Variants in AKAP9 observed in about 807,000 individuals in gnomAD.
AKAP9 encodes the protein A-kinase anchoring protein 9, also known as A-kinase anchor protein 9.
A neutral mutation model predicts 488.5 loss-of-function variants in AKAP9; 311 were observed. The ratio of observed to expected loss-of-function variants is 0.64; its 90% CI spans 0.58 to 0.70. The LOEUF (loss-of-function observed/expected upper bound fraction) is 0.70. Ranked by LOEUF, AKAP9 falls within the 30% of genes least tolerant of loss-of-function variation. The pLI, the probability that AKAP9 is intolerant of heterozygous loss-of-function variation, is 0.00. For missense variants in AKAP9, 4,215 were observed against 4,374.5 expected (o/e 0.96, Z 1.03); for synonymous variants, 1,462 against 1,483.5 (o/e 0.99, Z 0.33).
intron 21 of AKAP9, among the ~76,000 whole-genome samples, chr7:92,046,686 G>C (rs1410023884): frequency 2.0e-5 from 3 of 152,152 alleles, no homozygotes; most frequent in Admixed American, 6.5e-5. Context: ...CTCAGTCACG[G>C]CTATTTTATT....
rs763191120 is a variant in AKAP9, at chr7:92,083,225, A to G, written c.8216A>G (p.His2739Arg). Residue 2739 changes from histidine (H) to arginine (R), a missense_variant, in exon 33 of 50, where the codon CAC (histidine) becomes CGC (arginine). Physicochemically the swap from His to Arg is conservative, Grantham distance 29 (BLOSUM62 0). Coordinates refer to ENST00000356239, the MANE Select transcript of AKAP9 (RefSeq NM_005751.5). ...LQKDLSQVRD[H>R]LAEAKEKLSI... is the part of the protein sequence containing the mutation. The stretch of plus-strand genomic sequence containing the variant: ...AAAGACTTAAGCCAAGTTAGGGATC[A>G]CCTCGCAGAGGCAAAAGAGAAATTG... The G allele has an allele frequency of 1.9e-6, 3 of 1,614,016 alleles. No homozygotes were observed. Among genetic ancestry groups the G allele is most frequent in the Non-Finnish European group, 2.5e-6 (3 of 1,180,024 alleles).
intron 20 of AKAP9, among the ~76,000 whole-genome samples, chr7:92,043,933 G>A (rs915739580): frequency 6.6e-6 from 1 of 152,146 alleles, no homozygotes; most frequent in Non-Finnish European, 1.5e-5. Context: ...CATGTATAAA[G>A]TGTGCCTTTG....
At chr7:92,081,306 A>AT (rs765798858) in intron 31 of AKAP9, among the ~76,000 whole-genome samples, 2,476 of 145,178 alleles carry the variant, frequency 0.017, 44 homozygotes, top group African/African-American at 0.05. Flanking sequence ...ATATTTTACA[A>AT]TTTTTTTTTT....
At chr7:92,026,487 G>A (rs572967260) in intron 14 of AKAP9, among the ~76,000 whole-genome samples, 102 of 152,136 alleles carry the variant, frequency 6.7e-4, no homozygotes, top group African/African-American at 2.2e-3. Flanking sequence ...GTCACGCGCC[G>A]CCACGCCTGA....
At chr7:92,068,597 T>G (rs1457091849) in intron 26 of AKAP9, among the ~76,000 whole-genome samples, 1 of 151,888 alleles carries the variant, frequency 6.6e-6, no homozygotes, top group Non-Finnish European at 1.5e-5. Flanking sequence ...TGTGCATGTT[T>G]GATTTTTTTT....
rs138107415 is a variant in AKAP9 at position 91,941,140 on chromosome 7, A to C, written c.41A>C (p.Lys14Thr). ...EERQKKLEAG[K>T]AKLAQFRQRK... Reference sequence around the variant, plus strand: ...AGACAGAAGAAGCTGGAGGCCGGCAAAGCCAAGGTAGGAGAGCCCGAGGCA... The same window carrying C: ...AGACAGAAGAAGCTGGAGGCCGGCACAGCCAAGGTAGGAGAGCCCGAGGCA... Residue 14 changes from lysine to threonine, a missense_variant, in exon 1 of 50, where the codon AAA becomes ACA. Around this residue, in one of 5 missense-constraint regions of AKAP9, gnomAD observed 2,361 missense variants for 2,430.0 expected, o/e 0.97. Transcript: ENST00000356239. 1.1e-4 allele frequency: 180 copies of C among 1,614,076 alleles called. 3 individuals carry two copies. In the Admixed American group the frequency reaches 2.6e-3, roughly 23 times the overall value.
At position 92,070,904 on chromosome 7, in the gene AKAP9, G is replaced by A. The variant is rs1177271037; in HGVS notation, c.6508-1G>A. 1 of 1,604,642 alleles carries A rather than the reference G, an allele frequency of 6.2e-7. No individual in the cohort carries two copies. The highest frequency in any genetic ancestry group is 8.5e-7 in the Non-Finnish European group (1 of 1,173,878). On this transcript the variant is annotated splice_acceptor_variant, in intron 27 of 49. Transcript: ENST00000356239. LOFTEE classifies it high-confidence loss of function. ...TTGAGAAAATTTTTATATATTTAAA[G>A]GTAGAGGACCGAAAACACTTTGGAG...
chr7:91,971,468 A>G (rs1194941864), intron 1 of AKAP9, among the ~76,000 whole-genome samples: 2 of 151,070 alleles, frequency 1.3e-5, no homozygotes, highest in African/African-American at 4.9e-5. Context: ...TGTTAGGGTC[A>G]TTCACTGATT....
At chr7:92,060,637 T>C (rs187231031) in intron 22 of AKAP9, among the ~76,000 whole-genome samples, 596 of 152,312 alleles carry the variant, frequency 3.9e-3, no homozygotes, top group Middle Eastern at 0.014. Context: ...ATGGTTAATG[T>C]CTCTGTATTC....
intron 22 of AKAP9, chr7:92,058,310 A>T (rs1809168205): frequency 1.7e-6 from 1 of 581,232 alleles, no homozygotes; most frequent in African/African-American, 1.8e-5. Context: ...GGATGAAAAT[A>T]ACTCAGTAAT....
In AKAP9 at chr7:92,086,309, G is replaced by A. The variant is rs746297415; in HGVS notation, c.9106G>A (p.Glu3036Lys). Residue 3036 changes from glutamate (E) to lysine (K), a missense_variant, in exon 37 of 50, where the codon GAA becomes AAA. Glu to Lys is a moderately conservative substitution (Grantham distance 56). Around this residue, in one of 5 missense-constraint regions of AKAP9, gnomAD observed 1,476 missense variants for 1,477.4 expected, o/e 1.00. Coordinates refer to ENST00000356239, the MANE Select transcript of AKAP9 (RefSeq NM_005751.5). ...GCTTGCCCTTCAACAAGTTTTCTTA[G>A]AAGAGCGTAGTGTTTTACTAGCAGC... ...LLLALQQVFL[E>K]ERSVLLAAFR... 10 of 1,614,144 alleles carry A rather than the reference G, an allele frequency of 6.2e-6. No homozygotes were observed. The highest frequency in any genetic ancestry group is 1.3e-5 in the African/African-American group (1 of 75,036).
In AKAP9 at chr7:92,052,714, C is replaced by T. The variant is rs757856586; in HGVS notation, c.5369-12C>T. ...ATAATTAATTTATGCCTTTAAAACACTGTTATTCTAGTTACAGATGAATCC... is the reference window on the plus strand; with the variant it reads ...ATAATTAATTTATGCCTTTAAAACATTGTTATTCTAGTTACAGATGAATCC... On this transcript the variant is annotated splice_polypyrimidine_tract_variant and intron_variant, in intron 21 of 49. Coordinates refer to ENST00000356239, the MANE Select transcript of AKAP9 (RefSeq NM_005751.5). 1.5e-5 allele frequency: 23 copies of T among 1,565,446 alleles called. No homozygotes were observed. The highest frequency in any genetic ancestry group is 1.9e-5 in the Non-Finnish European group (22 of 1,137,062).
Position 92,083,540 on chromosome 7 carries a change from C to T in AKAP9, c.8531C>T (p.Ser2844Phe). Reference protein sequence around the residue: ...LHAAEILDMESRHISETETLK... With the variant: ...LHAAEILDMEFRHISETETLK... ...GCTGCTGAAATTTTGGACATGGAAT[C>T]CAGACATATTTCAGAAACTGAAACC... The change falls in exon 33 of 50, where the codon TCC (serine) becomes TTC (phenylalanine). Residue 2844 changes from serine to phenylalanine, a missense_variant. Ser to Phe is a radical substitution (Grantham distance 155, BLOSUM62 -2). Coordinates refer to ENST00000356239, the MANE Select transcript of AKAP9 (RefSeq NM_005751.5). 1 of 1,602,208 alleles carries T rather than the reference C, an allele frequency of 6.2e-7. No individual in the cohort carries two copies. Among genetic ancestry groups the T allele is most frequent in the Non-Finnish European group, 8.5e-7 (1 of 1,174,952 alleles).
chr7:91,967,876 T>C (rs185168145), intron 1 of AKAP9, among the ~76,000 whole-genome samples: 1 of 152,320 alleles, frequency 6.6e-6, no homozygotes, highest in East Asian at 1.9e-4. Flanking sequence ...ATAATTGTTA[T>C]TCTTTAAATG....
intron 46 of AKAP9, among the ~76,000 whole-genome samples, chr7:92,104,190 A>ATTTTT (rs879741854): frequency 2.8e-5 from 4 of 142,576 alleles, no homozygotes; most frequent in African/African-American, 1.1e-4. Flanking sequence ...TTATTTATTT[A>ATTTTT]TTTTTTTTTT....
intron 8 of AKAP9, among the ~76,000 whole-genome samples, chr7:92,004,191 G>A (rs1485978548): frequency 6.6e-6 from 1 of 152,192 alleles, no homozygotes; most frequent in Non-Finnish European, 1.5e-5. Flanking sequence ...GTACCATGCT[G>A]TTTTGGTTAC....
intron 2 of AKAP9, among the ~76,000 whole-genome samples, chr7:91,978,219 G>A (rs1455165936): frequency 5.4e-5 from 6 of 111,348 alleles, no homozygotes; most frequent in African/African-American, 1.9e-4. Flanking sequence ...TCCAGCCTGG[G>A]CAACAGAGTG....
At chr7:92,109,983 G>T in intron 49 of AKAP9, 139 bp from the exon 50 acceptor site, 1 of 691,822 alleles carries the variant, frequency 1.4e-6, no homozygotes, top group Non-Finnish European at 2.6e-6. Flanking sequence ...GTTTAAGTAT[G>T]AAGAGGACAT....
In AKAP9 at chr7:92,093,083, C is replaced by A. The variant is rs753080441; in HGVS notation, c.9359-14C>A. On this transcript the variant is annotated splice_polypyrimidine_tract_variant and intron_variant, in intron 38 of 49. Transcript: ENST00000356239. ...GCTTGATTATGTTTCAAATATTAAT[C>A]ATGTTCTGTGTAGAACTCTTGGAAT... 15 of 1,598,872 alleles carry A rather than the reference C, an allele frequency of 9.4e-6. No homozygotes were observed. Among genetic ancestry groups the A allele is most frequent in the Admixed American group, 5.0e-5 (3 of 59,908 alleles).
Sources: gnomAD v4.1 joint callset for allele counts (sites outside exome capture counted in the v4.1 genomes callset) on GRCh38, gnomAD v4.1.1 for gene constraint, gnomAD v4.1.1 regional missense constraint, MANE v1.5 for transcripts, NCBI Gene and HGNC (gene_info 2026-07-23, HGNC 2026-07-21) for gene names.